Variants in ISOC2 observed in about 807,000 individuals in gnomAD.
The protein encoded by ISOC2 is isochorismatase domain-containing protein 2.
Under a neutral mutation model 19.3 loss-of-function variants are expected in ISOC2, and 15 were observed. The observed-to-expected ratio is 0.78, with a 90% CI of 0.52 to 1.20. The LOEUF is 1.20. Ranked by LOEUF, ISOC2 falls within the 50% of genes most tolerant of loss-of-function variation. The pLI, the probability that ISOC2 is intolerant of heterozygous loss-of-function variation, is 0.00. For synonymous variants in ISOC2, 106 were observed against 115.8 expected (o/e 0.92, Z 0.54); for missense variants, 285 against 272.4 (o/e 1.05, Z -0.33).
intron 1 of ISOC2, among the ~76,000 whole-genome samples, chr19:55,458,532 CTT>C (rs796494446): frequency 9.8e-5 from 14 of 142,606 alleles, no homozygotes; most frequent in Admixed American, 2.1e-4. Flanking sequence ...ATTTTCTTTT[CTT>C]TTTTTTTTTT....
chr19:55,458,608 A>T (rs1380550339), intron 1 of ISOC2, among the ~76,000 whole-genome samples: 3 of 150,708 alleles, frequency 2.0e-5, no homozygotes, highest in African/African-American at 7.3e-5. Flanking sequence ...GGCTCACTGC[A>T]AGCTCTGCCT....
At chr19:55,453,432 C>T (rs1456260316) in intron 5 of ISOC2, 44 bp from the exon 6 acceptor site, 24 of 1,389,912 alleles carry the variant, frequency 1.7e-5, no homozygotes, top group Non-Finnish European at 2.2e-5. Context: ...TCTAGGGTCC[C>T]GATCTCCATG....
In ISOC2 at chr19:55,455,927, G is replaced by T. The variant is rs544515875; in HGVS notation, c.139-82C>A. 5 of 1,270,160 alleles carry T rather than the reference G, an allele frequency of 3.9e-6. No homozygotes were observed. The East Asian group carries it at 1.0e-4, about 26-fold the overall frequency. 78.7% of individuals were successfully genotyped at this position (1,270,160 alleles called of 1,614,324 possible). A position where few individuals can be genotyped will look rare whatever the true frequency, so the allele number is the denominator to read the frequency against. ...GACTCCTGGGTCTGAGGGAGGAGGG[G>T]CTGGGCCTGGACTCCTGGGTCTGAG... On this transcript the variant is annotated intron_variant, in intron 2 of 5. Coordinates refer to ENST00000425675, the MANE Select transcript of ISOC2 (RefSeq NM_001136201.2).
chr19:55,453,741 G>A (rs945865842), intron 5 of ISOC2, among the ~76,000 whole-genome samples: 2 of 151,918 alleles, frequency 1.3e-5, no homozygotes, highest in African/African-American at 4.8e-5. Context: ...CTTTGCCCCT[G>A]AACTCGACTC....
chr19:55,459,710 C>G (rs573139272), intron 1 of ISOC2: 36 of 152,352 alleles, frequency 2.4e-4, no homozygotes, highest in African/African-American at 7.5e-4. Flanking sequence ...TGGAGTGACC[C>G]TCTCACGGCC....
In ISOC2 at chr19:55,453,350, T is replaced by A; in HGVS notation, c.576A>T (p.Gly192=). ...TCTGGCCTTGGAAGAGGCCCAGCAG[T>A]CCGCTGTCTGGGGCGGGCTCCTTGA... is the stretch of plus-strand genomic sequence containing the variant. The part of the protein sequence containing the change: ...KLIKEPAPDS[G]LLGLFQGQNS... The change falls in exon 6 of 6, where the codon GGA becomes GGT. Residue 192 remains glycine (G), a synonymous_variant. Transcript: ENST00000425675. The A allele has an allele frequency of 6.2e-7, 1 of 1,608,202 alleles. No individual in the cohort carries two copies. The highest frequency in any genetic ancestry group is 8.5e-7 in the Non-Finnish European group (1 of 1,177,464).
intron 1 of ISOC2, among the ~76,000 whole-genome samples, chr19:55,458,282 C>G (rs890249043): frequency 2.0e-4 from 30 of 152,310 alleles, no homozygotes; most frequent in African/African-American, 6.3e-4. Context: ...ATCAGCACGT[C>G]TTGGCCTACG....
At chr19:55,454,424 G>T (rs926568233) in intron 5 of ISOC2, 2 of 156,320 alleles carry the variant, frequency 1.3e-5, no homozygotes, top group African/African-American at 4.8e-5. Context: ...AGACCTGGGA[G>T]GGCCTGGGAA....
At chr19:55,459,257 C>G (rs751912927) in intron 1 of ISOC2, among the ~76,000 whole-genome samples, 8 of 152,160 alleles carry the variant, frequency 5.3e-5, no homozygotes, top group African/African-American at 1.9e-4. Flanking sequence ...TGAACATAAT[C>G]CATCTACCAT....
intron 1 of ISOC2, among the ~76,000 whole-genome samples, chr19:55,460,725 T>G (rs1298334660): frequency 6.6e-6 from 1 of 152,258 alleles, no homozygotes; most frequent in Non-Finnish European, 1.5e-5. Flanking sequence ...TTGCAAACCG[T>G]TCGATTTTCT....
chr19:55,453,219 C>T lies in ISOC2; in HGVS notation c.*89G>A. 3.2e-6 allele frequency: 3 copies of T among 933,556 alleles called. No individual in the cohort carries two copies. The highest frequency in any genetic ancestry group is 4.8e-6 in the Non-Finnish European group (3 of 629,110). The allele number at this position is 933,556 out of a possible 1,614,324, so 57.8% of individuals were successfully genotyped here. ...GGGCGGCACTCCTGGTGGATCGCAC[C>T]ACTCTTGGGATCCAGGGATGGGGGG... On this transcript the variant is annotated 3_prime_UTR_variant, in exon 6 of 6. Coordinates refer to ENST00000425675, the MANE Select transcript of ISOC2 (RefSeq NM_001136201.2).
chr19:55,458,171 C>A (rs1169139843), intron 1 of ISOC2, among the ~76,000 whole-genome samples: 2 of 152,188 alleles, frequency 1.3e-5, no homozygotes, highest in Non-Finnish European at 2.9e-5. Context: ...CCAGAGGGCC[C>A]GTTAACCTGC....
At chr19:55,458,224 G>A (rs549439865) in intron 1 of ISOC2, among the ~76,000 whole-genome samples, 15 of 152,136 alleles carry the variant, frequency 9.9e-5, no homozygotes, top group Non-Finnish European at 1.8e-4. Flanking sequence ...ACTTCCACTC[G>A]GTCAGAGCGT....
intron 3 of ISOC2, 146 bp from the exon 4 acceptor site, chr19:55,455,476 G>A: frequency 8.4e-7 from 1 of 1,194,910 alleles, no homozygotes; most frequent in Non-Finnish European, 1.2e-6. Context: ...GTCAGGAGGG[G>A]ATCCAAGATA....
chr19:55,456,403 G>A lies in ISOC2; in HGVS notation c.84C>T (p.Arg28=), dbSNP rs377322506. ...LFLCDMQEKF[R]HNIAYFPQIV... is the part of the protein sequence containing the mutation. ...TCTGTGGGAAGTAGGCGATGTTGTG[G>A]CGGAACTTCTCCTGCATGTCACACA... Residue 28 remains arginine (R), a synonymous_variant, in exon 2 of 6, where the codon CGC becomes CGT. Coordinates refer to ENST00000425675, the MANE Select transcript of ISOC2 (RefSeq NM_001136201.2). 2 of 1,613,900 alleles carry A rather than the reference G, an allele frequency of 1.2e-6. No individual in the cohort carries two copies. Among genetic ancestry groups the A allele is most frequent in the African/African-American group, 1.3e-5 (1 of 74,970 alleles).
At chr19:55,458,157 C>T (rs369550446) in intron 1 of ISOC2, among the ~76,000 whole-genome samples, 2 of 152,188 alleles carry the variant, frequency 1.3e-5, no homozygotes, top group African/African-American at 4.8e-5. Context: ...GAGGAAACCT[C>T]GACCCAGAGG....
intron 1 of ISOC2, among the ~76,000 whole-genome samples, chr19:55,460,925 CCAGTT>C (rs145243912): frequency 0.059 from 8,997 of 152,128 alleles, 292 homozygotes; most frequent in Middle Eastern, 0.085. Flanking sequence ...AGAAAGGCCC[CCAGTT>C]TCTGGTCGAG....
chr19:55,456,481 C>T lies in ISOC2; in HGVS notation c.6G>A (p.Ala2=), dbSNP rs11555784. 58,118 of 1,613,510 alleles carry T rather than the reference C, an allele frequency of 0.036. 1,467 individuals are homozygous for T. Among genetic ancestry groups the T allele is most frequent in the African/African-American group, 0.12 (8,973 of 74,944 alleles). The change falls in exon 2 of 6, where the codon GCG becomes GCA. Residue 2 remains alanine, a synonymous_variant. Transcript: ENST00000425675. M[A]AARPSLGRVL... Reference sequence around the variant, plus strand: ...CTCGGCCCAGGCTGGGCCTGGCAGCCGCCATTTTCTGGGGGTGGGCAGAGG... The same window carrying T: ...CTCGGCCCAGGCTGGGCCTGGCAGCTGCCATTTTCTGGGGGTGGGCAGAGG...
chr19:55,453,481 T>A, intron 5 of ISOC2, 93 bp from the exon 6 acceptor site: 1 of 865,240 alleles, frequency 1.2e-6, no homozygotes, highest in Non-Finnish European at 1.7e-6. Flanking sequence ...TCTTCATCTC[T>A]CGGACCTTCT....
Sources: allele counts gnomAD v4.1 joint callset (sites outside exome capture counted in the v4.1 genomes callset), GRCh38; gene constraint gnomAD v4.1.1; transcripts MANE v1.5; gene names NCBI Gene and HGNC (gene_info 2026-07-23, HGNC 2026-07-21).